WDR35: variants seen among roughly 807,000 people sequenced by gnomAD.
WDR35 encodes WD repeat domain 35, also known as WD repeat-containing protein 35.
In WDR35, 118 loss-of-function variants were observed where a neutral mutation model predicts 158.3. The observed-to-expected ratio is 0.75, with a 90% CI of 0.64 to 0.87. The LOEUF (loss-of-function observed/expected upper bound fraction) is 0.87. WDR35 is among the 40% of genes least tolerant of loss of function. The pLI, the probability that WDR35 is intolerant of heterozygous loss-of-function variation, is 0.00. For synonymous variants in WDR35, 448 were observed against 476.1 expected (o/e 0.94, Z 0.77); for missense variants, 1,263 against 1,405.8 (o/e 0.90, Z 1.62).
chr2:19,944,177 C>T (rs1222071454), intron 16 of WDR35, among the ~76,000 whole-genome samples: 2 of 152,034 alleles, frequency 1.3e-5, no homozygotes, highest in Non-Finnish European at 2.9e-5. Flanking sequence ...ATGAAAAGAA[C>T]AGAACAGCAT....
intron 5 of WDR35, 27 bp from the exon 6 acceptor site, chr2:19,975,690 T>C: frequency 1.2e-6 from 2 of 1,613,768 alleles, no homozygotes; most frequent in Non-Finnish European, 1.7e-6. Flanking sequence ...TTAAAAGTTG[T>C]TCAAGGTCAT....
At chr2:19,925,138 G>A (rs1670316438) in intron 25 of WDR35, among the ~76,000 whole-genome samples, 2 of 152,192 alleles carry the variant, frequency 1.3e-5, no homozygotes, top group African/African-American at 4.8e-5. Flanking sequence ...CTTCTGCCTG[G>A]GGAACCCCCG....
At chr2:19,988,190 T>C (rs1017650096) in intron 2 of WDR35, among the ~76,000 whole-genome samples, 2 of 152,204 alleles carry the variant, frequency 1.3e-5, no homozygotes, top group African/African-American at 4.8e-5. Context: ...TCACCTAGAA[T>C]ACCTACTGCC....
Position 19,958,693 on chromosome 2 carries a change from G to A in WDR35, c.1255+1861C>T, listed in dbSNP as rs912142326. ...ATGGGGATACAGAAGTTAATTAGAC[G>A]TAGATCTTTAAGAAGTTCAAAGTCT... On this transcript the variant is annotated intron_variant, in intron 11 of 26. Transcript: ENST00000281405. Among the ~76,000 whole-genome samples the A allele has an allele frequency of 2.6e-5, 4 of 152,170 alleles. No individual in the cohort carries two copies. The South Asian group carries it at 6.2e-4, about 24-fold the overall frequency.
At chr2:19,931,244 A>G in intron 24 of WDR35, 25 bp downstream of exon 24, 1 of 1,609,346 alleles carries the variant, frequency 6.2e-7, no homozygotes, top group Non-Finnish European at 8.5e-7. Flanking sequence ...CCAATGATGT[A>G]ATGTTATTTA....
At chr2:19,967,621 TATC>T (rs1462012190) in intron 9 of WDR35, among the ~76,000 whole-genome samples, 4 of 151,934 alleles carry the variant, frequency 2.6e-5, no homozygotes, top group African/African-American at 9.7e-5. Flanking sequence ...TGAAATAAAA[TATC>T]ATGTTGATAT....
intron 2 of WDR35, among the ~76,000 whole-genome samples, chr2:19,984,921 A>G (rs551146569): frequency 6.6e-6 from 1 of 152,344 alleles, no homozygotes; most frequent in South Asian, 2.1e-4. Flanking sequence ...AAGAGATGGT[A>G]CCATATTCGC....
chr2:19,988,069 GT>G (rs1014403955), intron 2 of WDR35, among the ~76,000 whole-genome samples: 3 of 152,080 alleles, frequency 2.0e-5, no homozygotes, highest in African/African-American at 7.2e-5. Context: ...CCTTTGTGTA[GT>G]GGTTAAAAAC....
In WDR35 at chr2:19,914,179, A is replaced by G; in HGVS notation, c.3220T>C (p.Ser1074Pro). ...ACASRAFGTC[S>P]KAFIKLKSLE... ...GATTTAAGTTTAATGAAAGCTTTTG[A>G]ACAAGTCCCAAAGGCTCTGCTGGCG... Residue 1074 changes from serine to proline, a missense_variant, in exon 26 of 27, where the codon TCA becomes CCA. Ser to Pro is a moderately conservative substitution (Grantham distance 74). Coordinates refer to ENST00000281405, the MANE Select transcript of WDR35 (RefSeq NM_020779.4). 1.2e-6 allele frequency: 2 copies of G among 1,614,200 alleles called. No homozygotes were observed. Among genetic ancestry groups the G allele is most frequent in the Non-Finnish European group, 1.7e-6 (2 of 1,180,010 alleles).
chr2:19,930,046 A>G (rs1377892568), intron 25 of WDR35, among the ~76,000 whole-genome samples: 1 of 149,772 alleles, frequency 6.7e-6, no homozygotes, highest in East Asian at 1.9e-4. Flanking sequence ...AATATATTTT[A>G]TGTATTTAAA....
Position 19,966,897 on chromosome 2 carries a change from A to C in WDR35, c.1021T>G (p.Ser341Ala), listed in dbSNP as rs780158432. 10 of 1,613,730 alleles carry C rather than the reference A, an allele frequency of 6.2e-6. No individual in the cohort carries two copies. Among genetic ancestry groups the C allele is most frequent in the Non-Finnish European group, 8.5e-7 (1 of 1,179,876 alleles). ...GTATATGCATAAACTACAGTGTTTG[A>C]GCAATAACCCCACTAGGAAGAAAGG... is the stretch of plus-strand genomic sequence containing the variant. ...IRPNYKWGYC[S>A]NTVVYAYTRP... Residue 341 changes from serine to alanine, a missense_variant, in exon 10 of 27, where the codon TCA (serine) becomes GCA (alanine). Ser to Ala is a moderately conservative substitution (Grantham distance 99). Transcript: ENST00000281405.
rs574902092 is a variant in WDR35, at chr2:19,934,774, T to G, written c.2547+697A>C. On this transcript the variant is annotated intron_variant, in intron 21 of 26. Coordinates refer to ENST00000281405, the MANE Select transcript of WDR35 (RefSeq NM_020779.4). The surrounding 1 kb of genome is among the most constrained non-coding windows in gnomAD (Gnocchi z 4.6). ...AGTGAAAATACCATTATTACAGAGA[T>G]AGCCGCTCAAATTCACAATAGGGAA... 6.6e-6 allele frequency among the ~76,000 whole-genome samples: 1 copy of G among 152,134 alleles called. No homozygotes were observed. The highest frequency in any genetic ancestry group is 2.4e-5 in the African/African-American group (1 of 41,442).
At chr2:19,961,889 T>A (rs1671673774) in intron 10 of WDR35, among the ~76,000 whole-genome samples, 1 of 152,166 alleles carries the variant, frequency 6.6e-6, no homozygotes. Context: ...CAAGGGCAAT[T>A]TTGCTAGAGT....
intron 25 of WDR35, among the ~76,000 whole-genome samples, chr2:19,924,936 C>G (rs867652769): frequency 6.6e-6 from 1 of 152,274 alleles, no homozygotes; most frequent in Middle Eastern, 3.4e-3. Context: ...GGACATTGGG[C>G]TAATCAGTGT....
intron 10 of WDR35, 85 bp from the exon 11 acceptor site, chr2:19,960,699 C>G: frequency 1.9e-6 from 2 of 1,053,970 alleles, no homozygotes; most frequent in Non-Finnish European, 2.8e-6. Context: ...ATGCTTATCT[C>G]TTTTTCAAGT....
At chr2:19,922,753 G>C (rs1670210167) in intron 25 of WDR35, among the ~76,000 whole-genome samples, 1 of 152,020 alleles carries the variant, frequency 6.6e-6, no homozygotes, top group African/African-American at 2.4e-5. Context: ...TGAATGTTGG[G>C]AACAGGCTCC....
At chr2:19,959,264 A>G (rs1671553102) in intron 11 of WDR35, among the ~76,000 whole-genome samples, 1 of 152,138 alleles carries the variant, frequency 6.6e-6, no homozygotes, top group African/African-American at 2.4e-5. Flanking sequence ...TCTACTTGTG[A>G]TAAAAATTAC....
chr2:19,976,434 A>AT (rs1198496918), intron 5 of WDR35, among the ~76,000 whole-genome samples: 1 of 152,110 alleles, frequency 6.6e-6, no homozygotes, highest in Non-Finnish European at 1.5e-5. Context: ...AACATACACT[A>AT]TTTGGGTTAT....
chr2:19,974,684 A>G (rs1672149714), intron 6 of WDR35, 51 bp from the exon 7 acceptor site: 3 of 1,518,078 alleles, frequency 2.0e-6, no homozygotes, highest in South Asian at 2.4e-5. Context: ...ACACAGCAGT[A>G]TAGAGACAAT....
Sources: allele counts gnomAD v4.1 joint callset (sites outside exome capture counted in the v4.1 genomes callset), GRCh38; gene constraint gnomAD v4.1.1; non-coding constraint Gnocchi (gnomAD v3.1); transcripts MANE v1.5; gene names NCBI Gene and HGNC (gene_info 2026-07-23, HGNC 2026-07-21).